NDUFA12: variants seen among roughly 807,000 people sequenced by gnomAD.
NDUFA12 encodes the protein NADH:ubiquinone oxidoreductase subunit A12.
NDUFA12 carries 17 observed loss-of-function variants against 20.3 expected under a neutral mutation model. That is an observed-to-expected ratio of 0.84 (90% CI 0.57 to 1.26). NDUFA12 has a LOEUF of 1.26. Ranked by LOEUF, NDUFA12 falls within the 50% of genes most tolerant of loss-of-function variation. The pLI, the probability that NDUFA12 is intolerant of heterozygous loss-of-function variation, is 0.00. For synonymous variants in NDUFA12, 72 were observed against 63.6 expected (o/e 1.13, Z -0.63); for missense variants, 191 against 183.7 (o/e 1.04, Z -0.23).
chr12:94,976,673 G>T (rs1290435184), intron 3 of NDUFA12, among the ~76,000 whole-genome samples: 1 of 152,188 alleles, frequency 6.6e-6, no homozygotes, highest in Non-Finnish European at 1.5e-5. Flanking sequence ...CATGGATGCA[G>T]AACCCACAGA....
intron 3 of NDUFA12, 39 bp downstream of exon 3, chr12:94,994,130 GA>G: frequency 1.9e-6 from 3 of 1,583,218 alleles, no homozygotes; most frequent in South Asian, 2.2e-5. Context: ...TCTCAAAAAA[GA>G]AAAAAAAGAA....
intron 3 of NDUFA12, among the ~76,000 whole-genome samples, chr12:94,990,097 T>TA (rs1874587533): frequency 6.6e-6 from 1 of 152,152 alleles, no homozygotes; most frequent in South Asian, 2.1e-4. Context: ...TTGATGGTTC[T>TA]AAACCTAAAA....
At chr12:95,000,668 A>C (rs1874992746) in intron 2 of NDUFA12, among the ~76,000 whole-genome samples, 1 of 152,190 alleles carries the variant, frequency 6.6e-6, no homozygotes, top group African/African-American at 2.4e-5. Flanking sequence ...TATAAAGTGG[A>C]GGGGCAGAAT....
intron 2 of NDUFA12, among the ~76,000 whole-genome samples, chr12:94,996,300 T>C (rs1165978204): frequency 6.9e-6 from 1 of 145,004 alleles, no homozygotes; most frequent in Non-Finnish European, 1.5e-5. Flanking sequence ...ACACCAAATA[T>C]ATATAAATAC....
At chr12:94,981,710 A>G (rs955730855) in intron 3 of NDUFA12, among the ~76,000 whole-genome samples, 1 of 152,214 alleles carries the variant, frequency 6.6e-6, no homozygotes, top group African/African-American at 2.4e-5. Flanking sequence ...GAATATATAA[A>G]CCCATCAAGG....
At chr12:94,973,071 G>A (rs1873944210) in intron 3 of NDUFA12, among the ~76,000 whole-genome samples, 2 of 152,096 alleles carry the variant, frequency 1.3e-5, no homozygotes, top group African/African-American at 4.8e-5. Flanking sequence ...AGGACAAGAG[G>A]AGGATGTTTC....
chr12:94,984,461 G>A (rs759936657), intron 3 of NDUFA12, among the ~76,000 whole-genome samples: 2 of 151,742 alleles, frequency 1.3e-5, no homozygotes, highest in Non-Finnish European at 2.9e-5. Context: ...ACCCAGAGGC[G>A]GAGGTTGCGG....
intron 3 of NDUFA12, among the ~76,000 whole-genome samples, chr12:94,972,715 G>C (rs971306778): frequency 1.3e-5 from 2 of 151,966 alleles, no homozygotes; most frequent in Non-Finnish European, 2.9e-5. Context: ...AAGTTAAATC[G>C]ACCCCCAATT....
chr12:94,981,319 G>A (rs1426469), intron 3 of NDUFA12, among the ~76,000 whole-genome samples: 131,035 of 151,442 alleles, frequency 0.87, 56,763 homozygotes, highest in Admixed American at 0.9. Flanking sequence ...ATGGTGGCCC[G>A]TGCCTGTAGC....
chr12:94,998,562 G>T (rs186629351), intron 2 of NDUFA12, among the ~76,000 whole-genome samples: 1 of 152,214 alleles, frequency 6.6e-6, no homozygotes, highest in Admixed American at 6.5e-5. Flanking sequence ...TTGATGATAG[G>T]ATTATATATC....
At chr12:95,002,693 T>C (rs765987334) in intron 2 of NDUFA12, 46 bp downstream of exon 2, 42 of 1,393,488 alleles carry the variant, frequency 3.0e-5, no homozygotes, top group Non-Finnish European at 4.1e-5. Context: ...TCAAATCAAA[T>C]CCCAATCCCA....
intron 2 of NDUFA12, among the ~76,000 whole-genome samples, chr12:95,002,418 G>A (rs1875074985): frequency 5.1e-5 from 1 of 19,704 alleles, no homozygotes; most frequent in African/African-American, 7.9e-4. Flanking sequence ...CTCCAGCCTG[G>A]CCGACAGAGA....
chr12:94,986,113 A>ATAAATAAC (rs1555200628), intron 3 of NDUFA12, among the ~76,000 whole-genome samples: 3 of 127,488 alleles, frequency 2.4e-5, no homozygotes, highest in African/African-American at 8.3e-5. Flanking sequence ...AAATAAATAA[A>ATAAATAAC]TAAGCTAGTC....
rs1225376418 is a variant in NDUFA12, at chr12:95,002,746, T to C, written c.162A>G (p.Gln54=). The change falls in exon 2 of 4, where the codon CAA becomes CAG. Residue 54 remains glutamine, a synonymous_variant. Coordinates refer to ENST00000327772, the MANE Select transcript of NDUFA12 (RefSeq NM_018838.5). ...YGNKYYEDNK[Q]FFGRHRWVVY... is the part of the protein sequence containing the mutation. The stretch of plus-strand genomic sequence containing the variant: ...AAAAAATACTGCACTCACCAAAAAA[T>C]TGCTTGTTGTCTTCATAGTATTTGT... 4 of 1,613,380 alleles carry C rather than the reference T, an allele frequency of 2.5e-6. No homozygotes were observed. Among genetic ancestry groups the C allele is most frequent in the Non-Finnish European group, 3.4e-6 (4 of 1,179,350 alleles).
chr12:94,994,292 T>A (rs765126712), intron 2 of NDUFA12, 35 bp from the exon 3 acceptor site: 4 of 1,300,016 alleles, frequency 3.1e-6, no homozygotes, highest in East Asian at 2.6e-5. Context: ...AAAGAAAAAC[T>A]TTTTTTTTTA....
chr12:94,994,073 A>G, intron 3 of NDUFA12, 97 bp downstream of exon 3: 1 of 1,076,354 alleles, frequency 9.3e-7, no homozygotes, highest in South Asian at 1.3e-5. Flanking sequence ...GACATGAGTC[A>G]TGATCATGTC....
intron 3 of NDUFA12, among the ~76,000 whole-genome samples, chr12:94,984,871 G>A (rs946340941): frequency 4.0e-5 from 6 of 150,988 alleles, no homozygotes; most frequent in East Asian, 1.9e-4. Flanking sequence ...CCAGCTACTC[G>A]GGCGGCTGAG....
At chr12:94,992,828 C>T (rs1874686528) in intron 3 of NDUFA12, among the ~76,000 whole-genome samples, 1 of 152,126 alleles carries the variant, frequency 6.6e-6, no homozygotes, top group African/African-American at 2.4e-5. Flanking sequence ...AGGCTCCAGA[C>T]ATCAGACATC....
chr12:94,996,324 TACACACACAC>T (rs71075891), intron 2 of NDUFA12, among the ~76,000 whole-genome samples: 18,345 of 141,188 alleles, frequency 0.13, 1,896 homozygotes, highest in African/African-American at 0.29. Flanking sequence ...CATATATAGG[TACACACACAC>T]ACACACACAC....
Sources: allele counts gnomAD v4.1 joint callset (sites outside exome capture counted in the v4.1 genomes callset), GRCh38; gene constraint gnomAD v4.1.1; transcripts MANE v1.5; gene names NCBI Gene and HGNC (gene_info 2026-07-23, HGNC 2026-07-21).